Variants in G6PC1 observed in about 807,000 individuals in gnomAD.
G6PC1 encodes G-6-Pase.
In G6PC1, 23 loss-of-function variants were observed where a neutral mutation model predicts 30.4. That is an observed-to-expected ratio of 0.76 (90% confidence interval 0.55 to 1.07). The LOEUF is 1.07. Among genes scored for constraint, G6PC1 ranks in the 50% least tolerant of loss-of-function variants. The probability of loss-of-function intolerance (pLI) is 0.00; values close to 1 mark genes in which losing one functional copy is unlikely to be tolerated. For synonymous variants in G6PC1, 163 were observed against 175.6 expected, an observed-to-expected ratio of 0.93 and a Z score of 0.57; for missense variants, 391 against 433.9, an observed-to-expected ratio of 0.90 and a Z score of 0.88.
rs115738562 is a variant in G6PC1 at position 42,903,720 on chromosome 17, T to C, written c.231-211T>C. Among the ~76,000 whole-genome samples, 461 of 151,592 alleles carry C rather than the reference T, an allele frequency of 3.0e-3. 4 individuals carry two copies. Among genetic ancestry groups the C allele is most frequent in the African/African-American group, 0.011 (436 of 41,318 alleles). On this transcript the variant is annotated intron_variant, in intron 1 of 4. Coordinates refer to ENST00000253801, the MANE Select transcript of G6PC1 (RefSeq NM_000151.4). ...GATCCTGTCTCAAAAAAAAAAAAGATAATACATTCAAACAGTTCAAAATGC... is the reference window on the plus strand; with the variant it reads ...GATCCTGTCTCAAAAAAAAAAAAGACAATACATTCAAACAGTTCAAAATGC...
Position 42,911,529 on chromosome 17 carries a change from C to A in G6PC1, c.*103C>A. On this transcript the variant is annotated 3_prime_UTR_variant, in exon 5 of 5. Transcript: ENST00000253801. ...ACTGGTATTTGGAGCAAGTGACATG[C>A]CATCCATTCTGCCGTCGTGGAATTA... The A allele has an allele frequency of 6.5e-7, 1 of 1,539,172 alleles. No homozygotes were observed. The highest frequency in any genetic ancestry group is 8.9e-7 in the Non-Finnish European group (1 of 1,122,106).
intron 2 of G6PC1, among the ~76,000 whole-genome samples, chr17:42,906,700 TCAAA>T (rs758322896): frequency 6.6e-5 from 10 of 151,950 alleles, no homozygotes; most frequent in South Asian, 4.2e-4. Flanking sequence ...GCAAAAACAA[TCAAA>T]CAAACAAACA....
At chr17:42,907,668 G>A (rs765661050) in intron 3 of G6PC1, 40 bp downstream of exon 3, 12 of 1,387,674 alleles carry the variant, frequency 8.6e-6, no homozygotes, top group South Asian at 5.8e-5. Flanking sequence ...TGGAGGGCAG[G>A]AGGCAGCTCT....
At position 42,914,037 on chromosome 17, in the gene G6PC1, C is replaced by T. The variant is rs186556135; in HGVS notation, c.*2611C>T. Among the ~76,000 whole-genome samples, 20 of 151,786 alleles carry T rather than the reference C, an allele frequency of 1.3e-4. No homozygotes were observed. Among genetic ancestry groups the T allele is most frequent in the Non-Finnish European group, 2.2e-4 (15 of 67,968 alleles). On this transcript the variant is annotated 3_prime_UTR_variant, in exon 5 of 5. Transcript: ENST00000253801. The stretch of plus-strand genomic sequence containing the variant: ...CTACTGGATTTGGGCTCTCAGAGGG[C>T]GTTGTGGGAACCAGGCCCCTCACAG...
At chr17:42,907,701 A>T (rs161627) in intron 3 of G6PC1, 73 bp downstream of exon 3, 70 of 1,033,314 alleles carry the variant, frequency 6.8e-5, no homozygotes, top group Non-Finnish European at 1.0e-4. Context: ...CACACCACGT[A>T]TTCTTCCTCA....
intron 1 of G6PC1, 64 bp from the exon 2 acceptor site, chr17:42,903,867 G>T (rs2056042160): frequency 1.8e-5 from 19 of 1,034,988 alleles, no homozygotes; most frequent in Non-Finnish European, 2.9e-5. Context: ...TCTTCTTGAA[G>T]GTGTAGGCTT....
rs146025743 is a variant in G6PC1 at position 42,913,610 on chromosome 17, T to A, written c.*2184T>A. Among the ~76,000 whole-genome samples, 663 of 152,310 alleles carry A rather than the reference T, an allele frequency of 4.4e-3. 4 individuals carry two copies. The highest frequency in any genetic ancestry group is 5.6e-3 in the Non-Finnish European group (384 of 68,032). On this transcript the variant is annotated 3_prime_UTR_variant, in exon 5 of 5. Coordinates refer to ENST00000253801, the MANE Select transcript of G6PC1 (RefSeq NM_000151.4). The stretch of plus-strand genomic sequence containing the variant: ...AGAAAGATTCAGAGTTGGCCAAGAA[T>A]GAACATTGGCTACCAGACCACAAGT...
In G6PC1 at chr17:42,903,955, C is replaced by T. The variant is rs748363083; in HGVS notation, c.255C>T (p.Tyr85=). 1 of 1,613,324 alleles carries T rather than the reference C, an allele frequency of 6.2e-7. No individual in the cohort carries two copies. The highest frequency in any genetic ancestry group is 1.1e-5 in the South Asian group (1 of 91,070). Residue 85 remains tyrosine, a synonymous_variant, in exon 2 of 5, where the codon TAC becomes TAT. Transcript: ENST00000253801. ...GGATTCTCTTTGGACAGCGTCCATACTGGTGGGTTTTGGATACTGACTACT... is the reference window on the plus strand; with the variant it reads ...GGATTCTCTTTGGACAGCGTCCATATTGGTGGGTTTTGGATACTGACTACT... ...FKWILFGQRP[Y]WWVLDTDYYS...
intron 4 of G6PC1, among the ~76,000 whole-genome samples, chr17:42,910,377 C>T (rs1183742443): frequency 6.6e-6 from 1 of 152,116 alleles, no homozygotes; most frequent in Non-Finnish European, 1.5e-5. Flanking sequence ...GCATTTAGTA[C>T]TGGGTTCCAT....
rs970530104 is a variant in G6PC1 at position 42,911,728 on chromosome 17, C to T, written c.*302C>T. ...AATACTCTCACAAGTAGGGAGCTCA[C>T]TCCCACTGGAACAGCCCATTTTATC... is the stretch of plus-strand genomic sequence containing the variant. On this transcript the variant is annotated 3_prime_UTR_variant, in exon 5 of 5. Coordinates refer to ENST00000253801, the MANE Select transcript of G6PC1 (RefSeq NM_000151.4). 28 of 456,922 alleles carry T rather than the reference C, an allele frequency of 6.1e-5. No individual in the cohort carries two copies. The highest frequency in any genetic ancestry group is 6.9e-5 in the Non-Finnish European group (17 of 246,998). The allele number at this position is 456,922 out of a possible 1,614,324, so 28.3% of individuals were successfully genotyped here. A position where few individuals can be genotyped will look rare whatever the true frequency, so the allele number is the denominator to read the frequency against.
rs2056098708 is a variant in G6PC1 at position 42,911,840 on chromosome 17, TA to T, written c.*416del. On this transcript the variant is annotated 3_prime_UTR_variant, in exon 5 of 5. Transcript: ENST00000253801. Reference sequence around the variant, plus strand: ...CTTTTACAATCCTAATCATATTGGGTAATGTTTTTGAAAAGCTAATGAAGCT... The same window carrying T: ...CTTTTACAATCCTAATCATATTGGGTATGTTTTTGAAAAGCTAATGAAGCT... 1 of 233,086 alleles carries T rather than the reference TA, an allele frequency of 4.3e-6. No homozygotes were observed. Among genetic ancestry groups the T allele is most frequent in the African/African-American group, 2.3e-5 (1 of 43,926 alleles). 14.4% of individuals were successfully genotyped at this position (233,086 alleles called of 1,614,324 possible).
chr17:42,905,195 C>T (rs140485068), intron 2 of G6PC1, among the ~76,000 whole-genome samples: 4,687 of 150,218 alleles, frequency 0.031, 87 homozygotes, highest in African/African-American at 0.057. Flanking sequence ...GAGGCTGAGG[C>T]GGGTGGATCA....
chr17:42,907,140 G>A (rs2056066739), intron 2 of G6PC1, among the ~76,000 whole-genome samples: 1 of 152,144 alleles, frequency 6.6e-6, no homozygotes, highest in South Asian at 2.1e-4. Context: ...GAGTGTGCAA[G>A]GAGAGAAGGA....
At chr17:42,910,294 C>G (rs1300989652) in intron 4 of G6PC1, among the ~76,000 whole-genome samples, 2 of 152,110 alleles carry the variant, frequency 1.3e-5, no homozygotes, top group African/African-American at 4.8e-5. Context: ...AAGAACGGAA[C>G]ATAGCAGCAT....
Position 42,911,423 on chromosome 17 carries a change from G to T in G6PC1, c.1071G>T (p.Leu357Phe), listed in dbSNP as rs1161309876. Residue 357 changes from leucine to phenylalanine, a missense_variant, in exon 5 of 5, where the codon TTG becomes TTT. Leu to Phe is a conservative substitution (Grantham distance 22, BLOSUM62 0). Coordinates refer to ENST00000253801, the MANE Select transcript of G6PC1 (RefSeq NM_000151.4). Reference protein sequence around the residue: ...QVLGQPHKKSL With the variant: ...QVLGQPHKKSF ...TGGGCCAGCCGCACAAGAAGTCGTT[G>T]TAAGAGATGTGGAGTCTTCGGTGTT... 2 of 1,614,182 alleles carry T rather than the reference G, an allele frequency of 1.2e-6. No individual in the cohort carries two copies. Among genetic ancestry groups the T allele is most frequent in the Admixed American group, 1.7e-5 (1 of 60,020 alleles).
In G6PC1 at chr17:42,909,323, G is replaced by T. The variant is rs1189630738; in HGVS notation, c.467G>T (p.Trp156Leu). Reference sequence around the variant, plus strand: ...TGCAGGTGCTTGAATGTCATTTTGTGGTTGGGATTCTGGGCTGTGCAGCTG... The same window carrying T: ...TGCAGGTGCTTGAATGTCATTTTGTTGTTGGGATTCTGGGCTGTGCAGCTG... ...YRFRCLNVILWLGFWAVQLNV... is the reference protein window; with the variant it reads ...YRFRCLNVILLLGFWAVQLNV... The change falls in exon 4 of 5, where the codon TGG becomes TTG. Residue 156 changes from tryptophan to leucine, a missense_variant. Transcript: ENST00000253801. 3.7e-6 allele frequency: 6 copies of T among 1,614,044 alleles called. No homozygotes were observed. The highest frequency in any genetic ancestry group is 5.1e-6 in the Non-Finnish European group (6 of 1,179,892).
In G6PC1 at chr17:42,911,116, C is replaced by A. The variant is rs2056092654; in HGVS notation, c.764C>A (p.Thr255Asn). The part of the protein sequence containing the change: ...CEQPEWVHID[T>N]TPFASLLKNL... ...CAGCCAGAATGGGTCCACATTGACA[C>A]CACACCCTTTGCCAGCCTCCTCAAG... is the stretch of plus-strand genomic sequence containing the variant. Residue 255 changes from threonine to asparagine, a missense_variant, in exon 5 of 5, where the codon ACC (threonine) becomes AAC (asparagine). Thr to Asn is a moderately conservative substitution (Grantham distance 65). Coordinates refer to ENST00000253801, the MANE Select transcript of G6PC1 (RefSeq NM_000151.4). 6.2e-7 allele frequency: 1 copy of A among 1,614,156 alleles called. No individual in the cohort carries two copies. Among genetic ancestry groups the A allele is most frequent in the African/African-American group, 1.3e-5 (1 of 75,028 alleles).
intron 4 of G6PC1, 113 bp downstream of exon 4, chr17:42,909,531 T>C: frequency 2.5e-6 from 2 of 813,656 alleles, no homozygotes; most frequent in East Asian, 2.4e-5. Context: ...TCAGTACTGT[T>C]AGCATTTCTG....
chr17:42,903,385 G>C (rs1278957316), intron 1 of G6PC1, among the ~76,000 whole-genome samples: 4 of 151,684 alleles, frequency 2.6e-5, no homozygotes, highest in Non-Finnish European at 5.9e-5. Flanking sequence ...CGCCTGCCTG[G>C]AGTTCAGAAT....
Sources: gnomAD v4.1 joint callset for allele counts (sites outside exome capture counted in the v4.1 genomes callset) on GRCh38, gnomAD v4.1.1 for gene constraint, MANE v1.5 for transcripts, NCBI Gene and HGNC (gene_info 2026-07-23, HGNC 2026-07-21) for gene names.